Variants in PHACTR4 observed in about 807,000 individuals in gnomAD.
PHACTR4 encodes protein phosphatase 1, regulatory subunit 124.
Under a neutral mutation model 72.7 loss-of-function variants are expected in PHACTR4, and 51 were observed. That is an observed-to-expected ratio of 0.70 (90% confidence interval 0.56 to 0.89). The LOEUF is 0.89. Among genes scored for constraint, PHACTR4 ranks in the 40% least tolerant of loss-of-function variants. The pLI is 0.00. For synonymous variants in PHACTR4, 255 were observed against 302.5 expected (o/e 0.84, Z 1.63); for missense variants, 731 against 861.8 (o/e 0.85, Z 1.90).
chr1:28,415,872 G>T (rs913343518), intron 2 of PHACTR4, among the ~76,000 whole-genome samples: 1 of 152,106 alleles, frequency 6.6e-6, no homozygotes, highest in Admixed American at 6.5e-5. Flanking sequence ...GTAGCAAATA[G>T]AATTTATTAT....
chr1:28,429,674 C>T (rs1326414482), intron 2 of PHACTR4, among the ~76,000 whole-genome samples: 1 of 152,112 alleles, frequency 6.6e-6, no homozygotes, highest in African/African-American at 2.4e-5. Flanking sequence ...TAATAATACT[C>T]GGTGCGTGTA....
chr1:28,406,143 A>T (rs995383376), intron 1 of PHACTR4, among the ~76,000 whole-genome samples: 1 of 152,168 alleles, frequency 6.6e-6, no homozygotes, highest in Non-Finnish European at 1.5e-5. Context: ...AATTTAGGTT[A>T]TGTTTACTTA....
intron 1 of PHACTR4, among the ~76,000 whole-genome samples, chr1:28,401,593 C>T (rs1278772042): frequency 6.6e-6 from 1 of 152,036 alleles, no homozygotes; most frequent in Non-Finnish European, 1.5e-5. Flanking sequence ...AGGCATGAGC[C>T]ACCATGCCCT....
chr1:28,389,675 A>G (rs1031660017), intron 1 of PHACTR4, among the ~76,000 whole-genome samples: 3 of 152,000 alleles, frequency 2.0e-5, no homozygotes, highest in African/African-American at 7.2e-5. Flanking sequence ...ATGGGGTTTC[A>G]CTGTGTTGGC....
At chr1:28,378,398 G>C (rs1014954116) in intron 1 of PHACTR4, among the ~76,000 whole-genome samples, 15 of 150,752 alleles carry the variant, frequency 1.0e-4, no homozygotes, top group Non-Finnish European at 2.9e-5. Context: ...CAGCTACTCA[G>C]GAGGCTGAGG....
intron 1 of PHACTR4, among the ~76,000 whole-genome samples, chr1:28,392,003 A>G (rs1214583116): frequency 6.6e-6 from 1 of 152,146 alleles, no homozygotes; most frequent in Non-Finnish European, 1.5e-5. Context: ...GGATATGTTC[A>G]TTAGTTTGAT....
chr1:28,464,643 T>C (rs1186214700), intron 4 of PHACTR4, among the ~76,000 whole-genome samples: 1 of 152,198 alleles, frequency 6.6e-6, no homozygotes, highest in African/African-American at 2.4e-5. Flanking sequence ...CTTCACTAAT[T>C]AGAGCTCTTG....
At chr1:28,443,134 G>A (rs923200265) in intron 2 of PHACTR4, among the ~76,000 whole-genome samples, 3 of 151,962 alleles carry the variant, frequency 2.0e-5, no homozygotes, top group Non-Finnish European at 4.4e-5. Context: ...ACTCCTATGA[G>A]ATCAACTTTT....
intron 9 of PHACTR4, among the ~76,000 whole-genome samples, chr1:28,488,597 AT>A (rs1660851360): frequency 6.6e-6 from 1 of 152,092 alleles, no homozygotes; most frequent in Non-Finnish European, 1.5e-5. Flanking sequence ...GTTCAAGACT[AT>A]CCTGGGCAAC....
At chr1:28,489,308 G>A (rs746192111) in intron 10 of PHACTR4, 83 bp downstream of exon 10, 112 of 1,209,964 alleles carry the variant, frequency 9.3e-5, no homozygotes, top group Admixed American at 5.3e-4. Flanking sequence ...AAAAAGAAGC[G>A]TTTGCTACAA....
intron 13 of PHACTR4, among the ~76,000 whole-genome samples, chr1:28,495,376 G>A (rs1212884629): frequency 6.6e-6 from 1 of 151,824 alleles, no homozygotes; most frequent in Non-Finnish European, 1.5e-5. Flanking sequence ...CCGAAGTGTT[G>A]GGATTACAAG....
chr1:28,371,711 C>T (rs1257027308), intron 1 of PHACTR4, among the ~76,000 whole-genome samples: 1 of 152,076 alleles, frequency 6.6e-6, no homozygotes, highest in African/African-American at 2.4e-5. Flanking sequence ...AAGCCTCTGC[C>T]TCCAGAGTAG....
intron 1 of PHACTR4, among the ~76,000 whole-genome samples, chr1:28,383,490 C>T (rs138416681): frequency 2.6e-5 from 4 of 152,084 alleles, no homozygotes; most frequent in East Asian, 1.9e-4. Flanking sequence ...AGGCATGGGA[C>T]GTTTTTCCAT....
chr1:28,387,766 C>A (rs1019495251), intron 1 of PHACTR4, among the ~76,000 whole-genome samples: 1 of 151,138 alleles, frequency 6.6e-6, no homozygotes, highest in Admixed American at 6.6e-5. Context: ...CTTGTTCTGT[C>A]GCCCAGGCTG....
intron 2 of PHACTR4, chr1:28,422,578 T>C (rs543155404): frequency 6.6e-6 from 1 of 152,194 alleles, no homozygotes; most frequent in South Asian, 2.1e-4. Flanking sequence ...AATGAAGCAG[T>C]GGGAGGGGAG....
chr1:28,422,262 T>G (rs1236364154), intron 2 of PHACTR4, among the ~76,000 whole-genome samples: 1 of 152,172 alleles, frequency 6.6e-6, no homozygotes, highest in Non-Finnish European at 1.5e-5. Flanking sequence ...AACCACAGAT[T>G]GAAAATGCTT....
chr1:28,440,460 A>C (rs576480489), intron 2 of PHACTR4, among the ~76,000 whole-genome samples: 1 of 104,794 alleles, frequency 9.5e-6, no homozygotes, highest in Non-Finnish European at 1.7e-5. Context: ...CAGTGGCTTG[A>C]TCTCGGCTCA....
At chr1:28,460,756 G>A (rs370209178) in intron 4 of PHACTR4, among the ~76,000 whole-genome samples, 10 of 152,030 alleles carry the variant, frequency 6.6e-5, no homozygotes, top group Non-Finnish European at 1.2e-4. Flanking sequence ...TGATCCGCCC[G>A]CCTTGGCCTC....
rs560459682 is a variant in PHACTR4, at chr1:28,443,342, C to T, written c.17-15743C>T. Reference sequence around the variant, plus strand: ...TGTCACCGAGGCTGGAGTGCAGTGGCGCGATCTCGGCTCACTGCAACCTCC... The same window carrying T: ...TGTCACCGAGGCTGGAGTGCAGTGGTGCGATCTCGGCTCACTGCAACCTCC... On this transcript the variant is annotated intron_variant, in intron 2 of 13. Coordinates refer to ENST00000373839, the MANE Select transcript of PHACTR4 (RefSeq NM_001048183.3). Among the ~76,000 whole-genome samples the T allele has an allele frequency of 3.9e-5, 6 of 152,092 alleles. No individual in the cohort carries two copies. The South Asian group carries it at 8.3e-4, about 21-fold the overall frequency.
Sources: allele counts gnomAD v4.1 joint callset (sites outside exome capture counted in the v4.1 genomes callset), GRCh38; gene constraint gnomAD v4.1.1; transcripts MANE v1.5; gene names NCBI Gene and HGNC (gene_info 2026-07-23, HGNC 2026-07-21).